Variants in SGCZ observed in about 807,000 individuals in gnomAD.
SGCZ encodes the protein zeta-sarcoglycan.
SGCZ carries 40 observed loss-of-function variants against 41.3 expected under a neutral mutation model. The ratio of observed to expected loss-of-function variants is 0.97; its 90% confidence interval spans 0.75 to 1.26. The LOEUF is 1.26. Ranked by LOEUF, SGCZ falls within the 50% of genes most tolerant of loss-of-function variation. The pLI, the probability that SGCZ is intolerant of heterozygous loss-of-function variation, is 0.00. For missense variants in SGCZ, 552 were observed against 369.8 expected (o/e 1.49, Z -4.04); for synonymous variants, 206 against 137.5 (o/e 1.50, Z -3.49).
At chr8:14,510,287 G>A (rs1802430915) in intron 2 of SGCZ, among the ~76,000 whole-genome samples, 1 of 151,998 alleles carries the variant, frequency 6.6e-6, no homozygotes, top group African/African-American at 2.4e-5. Flanking sequence ...AAAATGAGAA[G>A]ACTGAAGTTG....
At chr8:14,796,115 A>T (rs866973804) in intron 1 of SGCZ, among the ~76,000 whole-genome samples, 2 of 152,162 alleles carry the variant, frequency 1.3e-5, no homozygotes, top group Non-Finnish European at 2.9e-5. Context: ...TGCTATTGTG[A>T]ATAGTTCTGC....
At chr8:15,180,455 A>G (rs1386758846) in intron 1 of SGCZ, among the ~76,000 whole-genome samples, 1 of 152,210 alleles carries the variant, frequency 6.6e-6, no homozygotes, top group East Asian at 1.9e-4. Context: ...CTTAGTCTGG[A>G]AATTATTCTA....
intron 5 of SGCZ, among the ~76,000 whole-genome samples, chr8:14,148,551 C>T (rs1408147527): frequency 6.6e-6 from 1 of 151,956 alleles, no homozygotes; most frequent in Non-Finnish European, 1.5e-5. Flanking sequence ...AAAAAATCTA[C>T]CAGTAAAGAA....
chr8:14,496,389 A>G (rs1359543654), intron 2 of SGCZ, among the ~76,000 whole-genome samples: 1 of 152,170 alleles, frequency 6.6e-6, no homozygotes, highest in Non-Finnish European at 1.5e-5. Context: ...TTTAGATGCT[A>G]AATTCTGCTG....
chr8:14,189,891 G>C (rs1428612969), intron 4 of SGCZ, among the ~76,000 whole-genome samples: 1 of 152,116 alleles, frequency 6.6e-6, no homozygotes, highest in Non-Finnish European at 1.5e-5. Flanking sequence ...ACCTGTAAGA[G>C]AAGTTCAATA....
intron 2 of SGCZ, among the ~76,000 whole-genome samples, chr8:14,373,243 T>C (rs973550211): frequency 2.6e-5 from 4 of 152,308 alleles, no homozygotes; most frequent in East Asian, 1.9e-4. Context: ...CAAAAGACCG[T>C]TGGCATTCAC....
chr8:14,161,341 T>C (rs541104931), intron 5 of SGCZ: 2 of 152,326 alleles, frequency 1.3e-5, no homozygotes, highest in African/African-American at 4.8e-5. Flanking sequence ...AGTTAATATC[T>C]GCTATTCTGG....
At chr8:14,715,706 G>C (rs144834342) in intron 1 of SGCZ, among the ~76,000 whole-genome samples, 5 of 152,178 alleles carry the variant, frequency 3.3e-5, no homozygotes, top group Non-Finnish European at 5.9e-5. Flanking sequence ...AGAAAATTTA[G>C]ATTAACGTCA....
chr8:14,348,268 CA>C (rs1802960637), intron 2 of SGCZ, among the ~76,000 whole-genome samples: 1 of 152,048 alleles, frequency 6.6e-6, no homozygotes, highest in African/African-American at 2.4e-5. Flanking sequence ...CCACTCACAC[CA>C]AAAATTTGAG....
chr8:14,610,268 T>A (rs1805884602), intron 1 of SGCZ, among the ~76,000 whole-genome samples: 2 of 152,148 alleles, frequency 1.3e-5, no homozygotes, highest in African/African-American at 4.8e-5. Context: ...CATTTGAGTC[T>A]CCCCCTTTTC....
intron 2 of SGCZ, among the ~76,000 whole-genome samples, chr8:14,539,700 C>T (rs1400297289): frequency 1.3e-5 from 2 of 151,768 alleles, no homozygotes; most frequent in African/African-American, 4.8e-5. Context: ...CTCCTTCCAT[C>T]CTCCACGCTC....
chr8:15,148,726 C>T (rs1447942572), intron 1 of SGCZ, among the ~76,000 whole-genome samples: 1 of 152,138 alleles, frequency 6.6e-6, no homozygotes, highest in Admixed American at 6.6e-5. Context: ...CCAAGCAAGC[C>T]TGGATGCTTG....
chr8:14,120,464 A>G lies in SGCZ; in HGVS notation c.548-12229T>C, dbSNP rs1386057986. Among the ~76,000 whole-genome samples, 4 of 152,124 alleles carry G rather than the reference A, an allele frequency of 2.6e-5. No homozygotes were observed. In the East Asian group the frequency reaches 7.7e-4, roughly 29 times the overall value. ...ATTTAGGAACAGGGATATTTCACTT[A>G]AGAACATTACACAAAAGTACAATGT... is the stretch of plus-strand genomic sequence containing the variant. On this transcript the variant is annotated intron_variant, in intron 5 of 7. Coordinates refer to ENST00000382080, the MANE Select transcript of SGCZ (RefSeq NM_139167.4).
At chr8:14,268,823 A>G (rs918640370) in intron 3 of SGCZ, among the ~76,000 whole-genome samples, 4 of 151,910 alleles carry the variant, frequency 2.6e-5, no homozygotes, top group African/African-American at 7.2e-5. Flanking sequence ...AAACATCCTC[A>G]TCTGAATTCT....
intron 1 of SGCZ, among the ~76,000 whole-genome samples, chr8:15,209,565 T>C (rs1563185216): frequency 7.0e-6 from 1 of 141,994 alleles, no homozygotes. Context: ...AAGAAGCCAG[T>C]ATTTAGTTCT....
chr8:14,182,998 C>G (rs1488264580), intron 4 of SGCZ, among the ~76,000 whole-genome samples: 2 of 72,316 alleles, frequency 2.8e-5, no homozygotes, highest in Non-Finnish European at 5.1e-5. Flanking sequence ...CAACAAAGAG[C>G]AAAACTCCGT....
intron 1 of SGCZ, among the ~76,000 whole-genome samples, chr8:14,882,688 G>A (rs116257110): frequency 0.05 from 7,531 of 152,028 alleles, 218 homozygotes; most frequent in Non-Finnish European, 0.061. Flanking sequence ...GTTTGATTAC[G>A]ACAGCTCTGC....
chr8:14,978,043 C>G (rs749654146), intron 1 of SGCZ, among the ~76,000 whole-genome samples: 12 of 152,072 alleles, frequency 7.9e-5, no homozygotes, highest in Non-Finnish European at 1.6e-4. Flanking sequence ...ATATTTATAG[C>G]TCTGAAGTTT....
At chr8:14,451,456 G>T (rs957385593) in intron 2 of SGCZ, among the ~76,000 whole-genome samples, 3 of 152,078 alleles carry the variant, frequency 2.0e-5, no homozygotes, top group Non-Finnish European at 4.4e-5. Flanking sequence ...TTTTGCTTAT[G>T]TTTGAGAAGG....
Sources: gnomAD v4.1 joint callset for allele counts (sites outside exome capture counted in the v4.1 genomes callset) on GRCh38, gnomAD v4.1.1 for gene constraint, MANE v1.5 for transcripts, NCBI Gene and HGNC (gene_info 2026-07-23, HGNC 2026-07-21) for gene names.